Variants in NECTIN1 observed in about 807,000 individuals in gnomAD.
The protein encoded by NECTIN1 is nectin-1.
A neutral mutation model predicts 48.0 loss-of-function variants in NECTIN1; 23 were observed. The ratio of observed to expected loss-of-function variants is 0.48; its 90% CI spans 0.34 to 0.68. NECTIN1 has a LOEUF of 0.68. Ranked by LOEUF, NECTIN1 falls within the 30% of genes least tolerant of loss-of-function variation. The pLI, the probability that NECTIN1 is intolerant of heterozygous loss-of-function variation, is 0.01. For synonymous variants in NECTIN1, 270 were observed against 288.9 expected (o/e 0.93, Z 0.66); for missense variants, 591 against 709.9 (o/e 0.83, Z 1.90).
chr11:119,682,641 G>A (rs1865079763), intron 1 of NECTIN1, among the ~76,000 whole-genome samples: 1 of 152,178 alleles, frequency 6.6e-6, no homozygotes, highest in African/African-American at 2.4e-5. Context: ...GATTATAATA[G>A]CTAATACCTG....
Position 119,709,038 on chromosome 11 carries a change from T to C in NECTIN1, c.79+19437A>G, listed in dbSNP as rs1420368783. Among the ~76,000 whole-genome samples the C allele has an allele frequency of 6.6e-6, 1 of 151,996 alleles. No homozygotes were observed. Among genetic ancestry groups the C allele is most frequent in the Non-Finnish European group, 1.5e-5 (1 of 67,976 alleles). On this transcript the variant is annotated intron_variant, in intron 1 of 5. Transcript: ENST00000264025. The surrounding 1 kb of genome is among the most constrained non-coding windows in gnomAD (Gnocchi z 4.1). ...GGGGGAGGGGGCACCGGAGAGATCCTGAGACACTCTACCCCCCACGCCCGC... is the reference window on the plus strand; with the variant it reads ...GGGGGAGGGGGCACCGGAGAGATCCCGAGACACTCTACCCCCCACGCCCGC...
At chr11:119,641,019 C>A (rs1864315646) in intron 5 of NECTIN1, 1 of 152,246 alleles carries the variant, frequency 6.6e-6, no homozygotes, top group African/African-American at 2.4e-5. Flanking sequence ...TCCACTCACT[C>A]ACTCACTTAC....
chr11:119,720,415 C>T (rs1373200520), intron 1 of NECTIN1, among the ~76,000 whole-genome samples: 2 of 152,284 alleles, frequency 1.3e-5, no homozygotes, highest in East Asian at 3.8e-4. Context: ...CCTTCCTCCA[C>T]AGCAGGGCAG....
rs1360523259 is a variant in NECTIN1, at chr11:119,728,570, G to A, written c.-17C>T. 2 of 1,549,128 alleles carry A rather than the reference G, an allele frequency of 1.3e-6. No homozygotes were observed. Among genetic ancestry groups the A allele is most frequent in the Non-Finnish European group, 1.8e-6 (2 of 1,141,576 alleles). The stretch of plus-strand genomic sequence containing the variant: ...CCGAGCCATCGGGGGCCGGGGGTCC[G>A]GCGAGAGGGGCGGCGAGGGCAGCGC... On this transcript the variant is annotated 5_prime_UTR_variant, in exon 1 of 6. Coordinates refer to ENST00000264025, the MANE Select transcript of NECTIN1 (RefSeq NM_002855.5).
At chr11:119,670,731 C>T (rs1391013144) in intron 5 of NECTIN1, among the ~76,000 whole-genome samples, 1 of 146,026 alleles carries the variant, frequency 6.8e-6, no homozygotes, top group African/African-American at 2.5e-5. Context: ...ACTGCAACCT[C>T]CGCCTCCCAG....
chr11:119,677,521 C>T lies in NECTIN1; in HGVS notation c.733+34G>A, dbSNP rs895721529. 3 of 1,610,442 alleles carry T rather than the reference C, an allele frequency of 1.9e-6. No homozygotes were observed. Among genetic ancestry groups the T allele is most frequent in the African/African-American group, 1.3e-5 (1 of 74,770 alleles). On this transcript the variant is annotated intron_variant, in intron 3 of 5. Coordinates refer to ENST00000264025, the MANE Select transcript of NECTIN1 (RefSeq NM_002855.5). This position sits in a 1 kb window ranked among gnomAD's most constrained non-coding sequence, Gnocchi z 5.4. ...GAGGGAGGAGGGACAGTGGCGCCCACCCCAGGAGGCCCCTGGCAGCCAGCC... is the reference window on the plus strand; with the variant it reads ...GAGGGAGGAGGGACAGTGGCGCCCATCCCAGGAGGCCCCTGGCAGCCAGCC...
At chr11:119,723,216 CA>C (rs34528775) in intron 1 of NECTIN1, among the ~76,000 whole-genome samples, 3,027 of 59,140 alleles carry the variant, frequency 0.051, 30 homozygotes, top group East Asian at 0.19. Flanking sequence ...GACTCTGTCT[CA>C]AAAAAAAAAA....
intron 5 of NECTIN1, among the ~76,000 whole-genome samples, chr11:119,651,979 G>A (rs1433285416): frequency 6.6e-6 from 1 of 152,236 alleles, no homozygotes; most frequent in African/African-American, 2.4e-5. Context: ...GTGAGAAGTG[G>A]CAGAGCTGGT....
intron 1 of NECTIN1, among the ~76,000 whole-genome samples, chr11:119,702,209 C>G (rs1865469081): frequency 6.6e-6 from 1 of 152,230 alleles, no homozygotes; most frequent in Admixed American, 6.5e-5. Flanking sequence ...CCCTGCCCCA[C>G]TCACCTCTCC....
chr11:119,710,935 A>T (rs927706866), intron 1 of NECTIN1, among the ~76,000 whole-genome samples: 2 of 152,090 alleles, frequency 1.3e-5, no homozygotes, highest in Non-Finnish European at 2.9e-5. Context: ...GCTGATAAAT[A>T]TTGAGCAAAT....
chr11:119,694,532 A>G (rs906467589), intron 1 of NECTIN1, among the ~76,000 whole-genome samples: 2 of 152,074 alleles, frequency 1.3e-5, no homozygotes, highest in African/African-American at 4.8e-5. Flanking sequence ...GAAGCTCACT[A>G]CCTCTCATTG....
intron 1 of NECTIN1, among the ~76,000 whole-genome samples, chr11:119,700,548 A>G (rs1329026676): frequency 6.6e-6 from 1 of 152,092 alleles, no homozygotes; most frequent in African/African-American, 2.4e-5. Context: ...CCACCCTCCA[A>G]CAGGCTGCCG....
chr11:119,664,996 G>A lies in NECTIN1; in HGVS notation c.1305C>T (p.Ser435=). 6.2e-7 allele frequency: 1 copy of A among 1,612,760 alleles called. No homozygotes were observed. The highest frequency in any genetic ancestry group is 1.1e-5 in the South Asian group (1 of 91,070). ...CCTCCTCCTCCTCCTCCTCCTCATA[G>A]CTGCTTCCACCCAGTGGGCCGGCCT... ...EKKAGPLGGS[S]YEEEEEEEEG... is the part of the protein sequence containing the mutation. Residue 435 remains serine, a synonymous_variant, in exon 6 of 6, where the codon AGC becomes AGT. Coordinates refer to ENST00000264025, the MANE Select transcript of NECTIN1 (RefSeq NM_002855.5).
chr11:119,638,221 C>T, exon 8 of NECTIN1: 1 of 1,614,106 alleles, frequency 6.2e-7, no homozygotes, highest in Non-Finnish European at 8.5e-7. Context: ...CTTGCTGCTG[C>T]TGCCTCCCTG....
In NECTIN1 at chr11:119,728,683, G is replaced by C. The variant is rs1865961873; in HGVS notation, c.-130C>G. ...CGAAGGATCCAGGTCAGCTGCAGCC[G>C]TCGGCCGGGGCGGGGTGGGCTGGGT... On this transcript the variant is annotated 5_prime_UTR_variant, in exon 1 of 6. Coordinates refer to ENST00000264025, the MANE Select transcript of NECTIN1 (RefSeq NM_002855.5). The C allele has an allele frequency of 2.4e-6, 1 of 415,482 alleles. No homozygotes were observed. The highest frequency in any genetic ancestry group is 7.0e-5 in the South Asian group (1 of 14,216). The allele number at this position is 415,482 out of a possible 1,614,324, so 25.7% of individuals were successfully genotyped here.
At chr11:119,692,816 C>T (rs1432493983) in intron 1 of NECTIN1, among the ~76,000 whole-genome samples, 1 of 152,252 alleles carries the variant, frequency 6.6e-6, no homozygotes, top group African/African-American at 2.4e-5. Context: ...TCTGTCTCCA[C>T]AGGTGACGTT....
At chr11:119,647,277 G>T (rs1350933489) in intron 5 of NECTIN1, among the ~76,000 whole-genome samples, 1 of 146,726 alleles carries the variant, frequency 6.8e-6, no homozygotes, top group Non-Finnish European at 1.5e-5. Flanking sequence ...CTTCACCTAG[G>T]ATGTTCCCTC....
intron 1 of NECTIN1, among the ~76,000 whole-genome samples, chr11:119,694,588 C>T (rs553870556): frequency 3.7e-4 from 56 of 152,282 alleles, no homozygotes; most frequent in African/African-American, 1.1e-3. Context: ...GGCTCACAGC[C>T]GCCTGCCTTG....
intron 1 of NECTIN1, among the ~76,000 whole-genome samples, chr11:119,708,975 ACTGCCCAGGACTGATT>A (rs1341519037): frequency 1.3e-5 from 2 of 151,920 alleles, no homozygotes; most frequent in Non-Finnish European, 2.9e-5. Flanking sequence ...CCTCCTCAGG[ACTGCCCAGGACTGATT>A]CTGCCCAGGA....
Sources: allele counts gnomAD v4.1 joint callset (sites outside exome capture counted in the v4.1 genomes callset), GRCh38; gene constraint gnomAD v4.1.1; non-coding constraint Gnocchi (gnomAD v3.1); transcripts MANE v1.5; gene names NCBI Gene and HGNC (gene_info 2026-07-23, HGNC 2026-07-21).